HECW2: variants seen among roughly 807,000 people sequenced by gnomAD.
The protein encoded by HECW2 is E3 ubiquitin-protein ligase HECW2.
HECW2 carries 61 observed loss-of-function variants against 175.2 expected under a neutral mutation model. The ratio of observed to expected loss-of-function variants is 0.35; its 90% CI spans 0.28 to 0.43. HECW2 has a LOEUF of 0.43. Ranked by LOEUF, HECW2 falls within the 20% of genes least tolerant of loss-of-function variation. The pLI, the probability that HECW2 is intolerant of heterozygous loss-of-function variation, is 1.00. For synonymous variants in HECW2, 671 were observed against 731.0 expected (o/e 0.92, Z 1.32); for missense variants, 1,524 against 2,000.5 (o/e 0.76, Z 4.54).
chr2:196,556,408 T>C (rs1475298464), intron 1 of HECW2, among the ~76,000 whole-genome samples: 1 of 152,194 alleles, frequency 6.6e-6, no homozygotes, highest in Non-Finnish European at 1.5e-5. Flanking sequence ...GTATTCATCT[T>C]ATAACTAGAA....
chr2:196,579,028 C>T (rs10185373), intron 1 of HECW2, among the ~76,000 whole-genome samples: 7,265 of 151,808 alleles, frequency 0.048, 567 homozygotes, highest in African/African-American at 0.17. Flanking sequence ...AGTGTAGTCA[C>T]GGGTTTATAA....
chr2:196,521,237 C>G lies in HECW2; in HGVS notation c.-36+72271G>C, dbSNP rs1335858692. Among the ~76,000 whole-genome samples the G allele has an allele frequency of 3.5e-5, 5 of 141,048 alleles. No individual in the cohort carries two copies. In the Admixed American group the frequency reaches 3.7e-4, roughly 10 times the overall value. The allele number at this position is 141,048 out of a possible 152,430, so 92.5% of individuals were successfully genotyped here. On this transcript the variant is annotated intron_variant, in intron 1 of 28. Transcript: ENST00000644978. The stretch of plus-strand genomic sequence containing the variant: ...TTACTTCAAAGGGTTTTCCTCTATC[C>G]TGCAGTCTTTCTTGTATTTCATCCT...
Position 196,319,314 on chromosome 2 carries a change from A to G in HECW2, c.1576T>C (p.Phe526Leu), listed in dbSNP as rs1423900025. Residue 526 changes from phenylalanine (F) to leucine (L), a missense_variant, in exon 9 of 29, where the codon TTT becomes CTT. Phe to Leu is a conservative substitution (Grantham distance 22). This residue lies in a region of HECW2 where 604 missense variants were observed against 588.3 expected (regional missense o/e 1.03). Transcript: ENST00000644978. ...EEASTHEAAS[F>L]EDKPENLPEL... ...GGAAGATTTTCTGGCTTATCCTCAAAGGAAGCAGCTTCGTGTGTGGAGGCT... is the reference window on the plus strand; with the variant it reads ...GGAAGATTTTCTGGCTTATCCTCAAGGGAAGCAGCTTCGTGTGTGGAGGCT... 6.2e-7 allele frequency: 1 copy of G among 1,613,744 alleles called. No homozygotes were observed. Among genetic ancestry groups the G allele is most frequent in the Admixed American group, 1.7e-5 (1 of 59,970 alleles).
chr2:196,343,157 C>T (rs977747989), intron 3 of HECW2, among the ~76,000 whole-genome samples: 1 of 152,012 alleles, frequency 6.6e-6, no homozygotes, highest in Non-Finnish European at 1.5e-5. Flanking sequence ...CGTTCCAAGA[C>T]CCCCATGGGA....
At chr2:196,245,847 T>TGA (rs1420304748) in intron 19 of HECW2, among the ~76,000 whole-genome samples, 6 of 152,202 alleles carry the variant, frequency 3.9e-5, no homozygotes, top group Non-Finnish European at 8.8e-5. Context: ...TTCTCAATCT[T>TGA]GACTGCACAT....
rs192431507 is a variant in HECW2 at position 196,465,749 on chromosome 2, A to T, written c.-35-32291T>A. ...CGTATTTGCATGGCACAGTTAGGAA[A>T]CTGATCTGGACCACTGATCCAAAAG... is the stretch of plus-strand genomic sequence containing the variant. On this transcript the variant is annotated intron_variant, in intron 1 of 28. Coordinates refer to ENST00000644978, the MANE Select transcript of HECW2 (RefSeq NM_001348768.2). Among the ~76,000 whole-genome samples the T allele has an allele frequency of 8.0e-5, 12 of 150,934 alleles. No individual in the cohort carries two copies. The East Asian group carries it at 2.3e-3, about 29-fold the overall frequency.
At chr2:196,349,547 A>G (rs1693096020) in intron 2 of HECW2, among the ~76,000 whole-genome samples, 2 of 145,570 alleles carry the variant, frequency 1.4e-5, no homozygotes, top group East Asian at 1.9e-4. Context: ...GTGCGCGCGC[A>G]CACATGCGTA....
At chr2:196,491,423 TTG>T (rs1250240057) in intron 1 of HECW2, among the ~76,000 whole-genome samples, 2 of 147,268 alleles carry the variant, frequency 1.4e-5, no homozygotes, top group Non-Finnish European at 3.0e-5. Context: ...TATGCATATA[TTG>T]TGTGTATATA....
chr2:196,279,796 A>G (rs1351581470), intron 14 of HECW2, among the ~76,000 whole-genome samples: 1 of 152,192 alleles, frequency 6.6e-6, no homozygotes, highest in South Asian at 2.1e-4. Context: ...TCTCTGAGCT[A>G]TATGTTTCTT....
intron 2 of HECW2, among the ~76,000 whole-genome samples, chr2:196,415,809 C>T (rs1695239818): frequency 6.6e-6 from 1 of 152,076 alleles, no homozygotes; most frequent in Non-Finnish European, 1.5e-5. Flanking sequence ...ACTGGGAGAT[C>T]CAGGACAGTG....
At chr2:196,276,906 T>C (rs980009790) in intron 15 of HECW2, among the ~76,000 whole-genome samples, 5 of 152,226 alleles carry the variant, frequency 3.3e-5, no homozygotes, top group African/African-American at 1.2e-4. Flanking sequence ...CAGTTATTTA[T>C]TGTATTCATA....
At chr2:196,237,473 A>G (rs1688297008) in intron 21 of HECW2, among the ~76,000 whole-genome samples, 1 of 152,222 alleles carries the variant, frequency 6.6e-6, no homozygotes, top group African/African-American at 2.4e-5. Context: ...TACTTCACTT[A>G]GAATAATGGT....
intron 2 of HECW2, among the ~76,000 whole-genome samples, chr2:196,415,571 C>A (rs1385699641): frequency 1.3e-5 from 2 of 149,472 alleles, no homozygotes; most frequent in Admixed American, 1.3e-4. Flanking sequence ...AGCTGACTTC[C>A]TGCTACCAAT....
rs1040065634 is a variant in HECW2 at position 196,308,517 on chromosome 2, C to G, written c.2435-432G>C. ...TGAAAGCCTCATAGCTGGAGACTTC[C>G]ACACGCATATTCATGCACAATTGTA... On this transcript the variant is annotated intron_variant, in intron 10 of 28. Coordinates refer to ENST00000644978, the MANE Select transcript of HECW2 (RefSeq NM_001348768.2). Among the ~76,000 whole-genome samples the G allele has an allele frequency of 1.2e-4, 19 of 152,238 alleles. No individual in the cohort carries two copies. The Middle Eastern group carries it at 0.014, about 109-fold the overall frequency.
intron 2 of HECW2, among the ~76,000 whole-genome samples, chr2:196,405,765 A>T (rs1259186346): frequency 6.6e-6 from 1 of 151,894 alleles, no homozygotes; most frequent in Non-Finnish European, 1.5e-5. Context: ...GTCCCCCTTC[A>T]CAGCAAACTT....
At chr2:196,582,088 A>AATAATAATAATAATAATAATAATT (rs1690807273) in intron 1 of HECW2, among the ~76,000 whole-genome samples, 1 of 151,926 alleles carries the variant, frequency 6.6e-6, no homozygotes, top group African/African-American at 2.4e-5. Context: ...TAATAATAAT[A>AATAATAATAATAATAATAATAATT]ATAATAAATT....
intron 1 of HECW2, among the ~76,000 whole-genome samples, chr2:196,443,646 A>T (rs572577970): frequency 6.6e-6 from 1 of 152,348 alleles, no homozygotes; most frequent in East Asian, 1.9e-4. Flanking sequence ...ACATGAAGTC[A>T]TAGTCTATTC....
At chr2:196,411,732 T>C (rs192687246) in intron 2 of HECW2, among the ~76,000 whole-genome samples, 2 of 152,334 alleles carry the variant, frequency 1.3e-5, no homozygotes, top group East Asian at 3.9e-4. Flanking sequence ...ATGGGAAGCC[T>C]GGATGCGGTG....
chr2:196,383,187 G>A (rs1233363496), intron 2 of HECW2, among the ~76,000 whole-genome samples: 2 of 152,202 alleles, frequency 1.3e-5, no homozygotes, highest in African/African-American at 2.4e-5. Context: ...AGTCTCAAAT[G>A]TCTGATTTGC....
Sources: allele counts gnomAD v4.1 joint callset (sites outside exome capture counted in the v4.1 genomes callset), GRCh38; gene constraint gnomAD v4.1.1; regional missense constraint gnomAD v4.1.1; transcripts MANE v1.5; gene names NCBI Gene and HGNC (gene_info 2026-07-23, HGNC 2026-07-21).